The following GDA variants were observed in gnomAD, a reference collection of about 807,000 sequenced individuals.
GDA encodes the protein guanine deaminase, also known as cytoplasmic PSD-95 interactor.
In GDA, 18 loss-of-function variants were observed where a neutral mutation model predicts 59.6. The ratio of observed to expected loss-of-function variants is 0.30; its 90% CI spans 0.21 to 0.45. GDA has a LOEUF of 0.45. Ranked by LOEUF, GDA falls within the 20% of genes least tolerant of loss-of-function variation. The pLI is 1.00. For synonymous variants in GDA, 201 were observed against 201.1 expected, an observed-to-expected ratio of 1.00 and a Z score of 0.00; for missense variants, 427 against 552.3, an observed-to-expected ratio of 0.77 and a Z score of 2.27.
chr9:72,131,645 A>G (rs192223662), intron 1 of GDA, among the ~76,000 whole-genome samples: 1,805 of 124,958 alleles, frequency 0.014, 31 homozygotes, highest in African/African-American at 0.043. Flanking sequence ...CACCACGTGC[A>G]CAGACACACA....
intron 3 of GDA, among the ~76,000 whole-genome samples, chr9:72,206,590 T>G (rs1216495846): frequency 6.6e-6 from 1 of 151,946 alleles, no homozygotes; most frequent in African/African-American, 2.4e-5. Flanking sequence ...CTGGCCAACA[T>G]GGTGAGACCC....
At chr9:72,205,310 A>G (rs1834559093) in intron 3 of GDA, among the ~76,000 whole-genome samples, 1 of 152,052 alleles carries the variant, frequency 6.6e-6, no homozygotes. Context: ...AATAAACAGT[A>G]GTAGCTTTGG....
chr9:72,210,730 C>T lies in GDA; in HGVS notation c.428C>T (p.Ala143Val). Residue 143 changes from alanine (A) to valine (V), a missense_variant, in exon 4 of 14, where the codon GCA (alanine) becomes GTA (valine). Coordinates refer to ENST00000358399, the MANE Select transcript of GDA (RefSeq NM_004293.5). The part of the protein sequence containing the change: ...KNGTTTACYF[A>V]TIHTDSSLLL... Reference sequence around the variant, plus strand: ...GGAACAACCACAGCTTGTTACTTTGCAACAATTCACACTGACTCATCTCTG... The same window carrying T: ...GGAACAACCACAGCTTGTTACTTTGTAACAATTCACACTGACTCATCTCTG... The T allele has an allele frequency of 1.2e-6, 2 of 1,611,438 alleles. No homozygotes were observed. The highest frequency in any genetic ancestry group is 1.7e-6 in the Non-Finnish European group (2 of 1,177,660).
chr9:72,155,283 T>C (rs1038647634), intron 1 of GDA, among the ~76,000 whole-genome samples: 11 of 152,064 alleles, frequency 7.2e-5, no homozygotes, highest in African/African-American at 2.7e-4. Context: ...ACCCATCAGA[T>C]CTCGTGAGAC....
At chr9:72,155,571 G>A (rs1328955706) in intron 1 of GDA, among the ~76,000 whole-genome samples, 1 of 152,214 alleles carries the variant, frequency 6.6e-6, no homozygotes, top group Non-Finnish European at 1.5e-5. Flanking sequence ...AAAGGTTGAG[G>A]AGAAGGCTAA....
intron 1 of GDA, among the ~76,000 whole-genome samples, chr9:72,128,347 G>A (rs1825917100): frequency 6.6e-6 from 1 of 152,058 alleles, no homozygotes; most frequent in Non-Finnish European, 1.5e-5. Context: ...GTGTGGTGGG[G>A]TGGGAGTGTG....
intron 1 of GDA, among the ~76,000 whole-genome samples, chr9:72,122,003 T>A (rs1035341925): frequency 6.6e-6 from 1 of 152,188 alleles, no homozygotes. Context: ...GAAGTTTGCT[T>A]CTTTTTCACT....
Position 72,189,225 on chromosome 9 carries a change from G to C in GDA, c.124-6275G>C, listed in dbSNP as rs1023916324. ...GACAGGGTTTCACTTTGTCACACAG[G>C]CTGGAACTACAGTGGTGTGATGACA... On this transcript the variant is annotated intron_variant, in intron 1 of 13. Transcript: ENST00000358399. 7.3e-5 allele frequency among the ~76,000 whole-genome samples: 10 copies of C among 136,126 alleles called. 1 individual carries two copies. The highest frequency in any genetic ancestry group is 4.8e-4 in the Admixed American group (6 of 12,524). 89.3% of individuals were successfully genotyped at this position (136,126 alleles called of 152,430 possible).
intron 3 of GDA, among the ~76,000 whole-genome samples, chr9:72,205,580 G>T (rs149916733): frequency 6.6e-6 from 1 of 152,314 alleles, no homozygotes; most frequent in Non-Finnish European, 1.5e-5. Context: ...GAAAATGGAA[G>T]TGAGGTATAG....
At position 72,213,933 on chromosome 9, in the gene GDA, A is replaced by G. The variant is rs1185711790; in HGVS notation, c.520A>G (p.Asn174Asp). Residue 174 changes from asparagine to aspartate, a missense_variant, in exon 5 of 14, where the codon AAT becomes GAT. Physicochemically the swap from Asn to Asp is conservative, Grantham distance 23 (BLOSUM62 1). Coordinates refer to ENST00000358399, the MANE Select transcript of GDA (RefSeq NM_004293.5). ...AFVGKVCMDL[N>D]DTFPEYKETT... is the part of the protein sequence containing the mutation. ...TGTGGGCAAAGTTTGCATGGATTTG[A>G]ATGACACTTTTCCAGAATACAAGGA... 6.2e-7 allele frequency: 1 copy of G among 1,612,448 alleles called. No individual in the cohort carries two copies. The highest frequency in any genetic ancestry group is 8.5e-7 in the Non-Finnish European group (1 of 1,178,570).
At chr9:72,162,956 C>T (rs924510732) in intron 1 of GDA, among the ~76,000 whole-genome samples, 4 of 152,146 alleles carry the variant, frequency 2.6e-5, no homozygotes, top group Non-Finnish European at 4.4e-5. Flanking sequence ...TGCGCCCTGA[C>T]ATAGGTCAGA....
At chr9:72,203,296 T>A (rs1224816195) in intron 3 of GDA, among the ~76,000 whole-genome samples, 1 of 152,220 alleles carries the variant, frequency 6.6e-6, no homozygotes, top group Non-Finnish European at 1.5e-5. Context: ...ATATTTAAAT[T>A]ACTGTTAGAA....
upstream of GDA, among the ~76,000 whole-genome samples, chr9:72,148,317 G>GTA (rs1236833104): frequency 1.0e-4 from 1 of 9,582 alleles, no homozygotes. Flanking sequence ...GTATGTGTGT[G>GTA]TGTGTGTGTG....
chr9:72,240,243 CAA>C (rs1417910705), intron 10 of GDA, among the ~76,000 whole-genome samples: 1 of 152,130 alleles, frequency 6.6e-6, no homozygotes, highest in Admixed American at 6.5e-5. Flanking sequence ...CCAAAATATA[CAA>C]GTTTATTCTA....
At position 72,241,199 on chromosome 9, in the gene GDA, G is replaced by A. The variant is rs768960989; in HGVS notation, c.1036G>A (p.Ala346Thr). Residue 346 changes from alanine (A) to threonine (T), a missense_variant, in exon 11 of 14, where the codon GCA becomes ACA. Coordinates refer to ENST00000358399, the MANE Select transcript of GDA (RefSeq NM_004293.5). ...TTCCATGCTTGATGCAATCAGAAGAGCAGTGATGGTTTCCAATATCCTTTT... is the reference window on the plus strand; with the variant it reads ...TTCCATGCTTGATGCAATCAGAAGAACAGTGATGGTTTCCAATATCCTTTT... The part of the protein sequence containing the change: ...SYSMLDAIRR[A>T]VMVSNILLIN... 3.1e-6 allele frequency: 5 copies of A among 1,610,140 alleles called. No individual in the cohort carries two copies. Among genetic ancestry groups the A allele is most frequent in the East Asian group, 2.2e-5 (1 of 44,834 alleles).
At chr9:72,244,887 A>G (rs147043466) in intron 11 of GDA, among the ~76,000 whole-genome samples, 1 of 152,350 alleles carries the variant, frequency 6.6e-6, no homozygotes, top group Non-Finnish European at 1.5e-5. Context: ...GAGCTGAAAT[A>G]GAGACATACC....
At chr9:72,216,599 T>C (rs1255896193) in intron 5 of GDA, among the ~76,000 whole-genome samples, 2 of 152,124 alleles carry the variant, frequency 1.3e-5, no homozygotes, top group Non-Finnish European at 2.9e-5. Flanking sequence ...TATGATTTAA[T>C]TGATATGAAA....
chr9:72,188,318 A>T (rs935240292), intron 1 of GDA, among the ~76,000 whole-genome samples: 1 of 152,190 alleles, frequency 6.6e-6, no homozygotes, highest in African/African-American at 2.4e-5. Context: ...AGAGGGCAGA[A>T]TAGTTTGAGG....
intron 3 of GDA, among the ~76,000 whole-genome samples, chr9:72,203,144 G>A (rs1834223721): frequency 6.6e-6 from 1 of 152,164 alleles, no homozygotes; most frequent in Non-Finnish European, 1.5e-5. Context: ...GTAAAAAATA[G>A]AGATCATGAT....
Sources: allele counts gnomAD v4.1 joint callset (sites outside exome capture counted in the v4.1 genomes callset), GRCh38; gene constraint gnomAD v4.1.1; transcripts MANE v1.5; gene names NCBI Gene and HGNC (gene_info 2026-07-23, HGNC 2026-07-21).